Variants in MLLT1 observed in about 807,000 individuals in gnomAD.
MLLT1 encodes the protein MLLT1 super elongation complex subunit, also known as protein ENL.
Under a neutral mutation model 55.1 loss-of-function variants are expected in MLLT1, and 11 were observed. That is an observed-to-expected ratio of 0.20 (90% CI 0.13 to 0.33). The LOEUF (loss-of-function observed/expected upper bound fraction) is 0.33. Ranked by LOEUF, MLLT1 falls within the 10% of genes least tolerant of loss-of-function variation. The pLI is 1.00. For synonymous variants in MLLT1, 323 were observed against 320.1 expected, an observed-to-expected ratio of 1.01 and a Z score of -0.10; for missense variants, 536 against 760.6, an observed-to-expected ratio of 0.70 and a Z score of 3.47.
At chr19:6,269,405 C>T (rs2091376276) in intron 2 of MLLT1, among the ~76,000 whole-genome samples, 1 of 152,248 alleles carries the variant, frequency 6.6e-6, no homozygotes. Context: ...ACATCTGCCG[C>T]TGTCAGGAGC....
At position 6,227,360 on chromosome 19, in the gene MLLT1, G is replaced by T. The variant is rs1016438629; in HGVS notation, c.421-258C>A. Among the ~76,000 whole-genome samples, 2 of 152,344 alleles carry T rather than the reference G, an allele frequency of 1.3e-5. No individual in the cohort carries two copies. Among genetic ancestry groups the T allele is most frequent in the South Asian group, 4.1e-4 (2 of 4,828 alleles). On this transcript the variant is annotated intron_variant, in intron 4 of 11. Transcript: ENST00000252674. The surrounding 1 kb of genome is among the most constrained non-coding windows in gnomAD (Gnocchi z 5.1). ...CAGGTGGGGCCACGCGGCCTTCCGG[G>T]AACAGTGGACCGGAGGGCTGGCCCA...
rs2090994690 is a variant in MLLT1, at chr19:6,230,115, C to CG, written c.420+454dup. On this transcript the variant is annotated intron_variant, in intron 4 of 11. Coordinates refer to ENST00000252674, the MANE Select transcript of MLLT1 (RefSeq NM_005934.4). The surrounding 1 kb of genome is among the most constrained non-coding windows in gnomAD (Gnocchi z 9.0). ...GTCCGGAGGGCTCGACTCCAGCCAC[C>CG]GCATGGGGGTCCCGGCCACACGACT... Among the ~76,000 whole-genome samples, 1 of 152,134 alleles carries CG rather than the reference C, an allele frequency of 6.6e-6. No homozygotes were observed. Among genetic ancestry groups the CG allele is most frequent in the Admixed American group, 6.5e-5 (1 of 15,282 alleles).
intron 3 of MLLT1, among the ~76,000 whole-genome samples, chr19:6,246,701 A>T (rs1014391943): frequency 6.6e-6 from 1 of 152,192 alleles, no homozygotes; most frequent in African/African-American, 2.4e-5. Context: ...CGGTAGATAC[A>T]CGACTCTCTG....
chr19:6,247,567 C>G (rs946219385), intron 3 of MLLT1, among the ~76,000 whole-genome samples: 1 of 152,178 alleles, frequency 6.6e-6, no homozygotes, highest in Non-Finnish European at 1.5e-5. Flanking sequence ...AGGGACGGCT[C>G]TTCCTTACTG....
chr19:6,245,725 TA>T (rs1250452698), intron 3 of MLLT1, among the ~76,000 whole-genome samples: 8 of 133,234 alleles, frequency 6.0e-5, no homozygotes, highest in African/African-American at 1.6e-4. Context: ...AATAAACAAA[TA>T]AAATTTTTTT....
intron 2 of MLLT1, among the ~76,000 whole-genome samples, chr19:6,268,286 T>G (rs2091365567): frequency 6.6e-6 from 1 of 152,244 alleles, no homozygotes; most frequent in Non-Finnish European, 1.5e-5. Flanking sequence ...GTCACTGGAC[T>G]ATTAAAAACT....
intron 3 of MLLT1, among the ~76,000 whole-genome samples, chr19:6,236,959 C>A (rs868432326): frequency 6.6e-6 from 1 of 152,242 alleles, no homozygotes; most frequent in African/African-American, 2.4e-5. Flanking sequence ...GAGCAGCTCC[C>A]CACTCCCAGG....
chr19:6,250,583 G>C (rs146843816), intron 3 of MLLT1, among the ~76,000 whole-genome samples: 7 of 152,282 alleles, frequency 4.6e-5, no homozygotes, highest in African/African-American at 1.7e-4. Flanking sequence ...TCATCATGCC[G>C]AATACAATGC....
rs1300152049 is a variant in MLLT1, at chr19:6,226,252, G to A, written c.546+725C>T. On this transcript the variant is annotated intron_variant, in intron 5 of 11. Transcript: ENST00000252674. The surrounding 1 kb of genome is among the most constrained non-coding windows in gnomAD (Gnocchi z 6.3). ...GGCAGCTGCCCCGAGGGCCCGTGCC[G>A]CTCAGCCTCCAGGAACGGCTGTGCT... 1.3e-5 allele frequency among the ~76,000 whole-genome samples: 2 copies of A among 152,224 alleles called. No homozygotes were observed. The highest frequency in any genetic ancestry group is 2.4e-5 in the African/African-American group (1 of 41,464).
chr19:6,244,886 G>C (rs1568287351), intron 3 of MLLT1, among the ~76,000 whole-genome samples: 1 of 152,048 alleles, frequency 6.6e-6, no homozygotes, highest in Non-Finnish European at 1.5e-5. Context: ...ACCTAACCAG[G>C]TACCACTTCA....
rs892419149 is a variant in MLLT1 at position 6,229,894 on chromosome 19, C to T, written c.420+676G>A. Among the ~76,000 whole-genome samples, 8 of 152,296 alleles carry T rather than the reference C, an allele frequency of 5.3e-5. No individual in the cohort carries two copies. The highest frequency in any genetic ancestry group is 8.8e-5 in the Non-Finnish European group (6 of 68,020). ...CGACACACAACACGCCACCCCAGCCCGCTCCATCACAGGCTCAGGCTGGCA... is the reference window on the plus strand; with the variant it reads ...CGACACACAACACGCCACCCCAGCCTGCTCCATCACAGGCTCAGGCTGGCA... On this transcript the variant is annotated intron_variant, in intron 4 of 11. Transcript: ENST00000252674. The surrounding 1 kb of genome is among the most constrained non-coding windows in gnomAD (Gnocchi z 5.2).
intron 3 of MLLT1, among the ~76,000 whole-genome samples, chr19:6,241,263 G>A (rs2091110460): frequency 1.3e-5 from 2 of 152,156 alleles, no homozygotes; most frequent in South Asian, 2.1e-4. Flanking sequence ...CCGAGAGCCC[G>A]TGTCCCCCAA....
intron 8 of MLLT1, 111 bp downstream of exon 8, chr19:6,216,294 C>T: frequency 1.3e-6 from 1 of 793,238 alleles, no homozygotes; most frequent in Non-Finnish European, 2.1e-6. Flanking sequence ...TTTGGCCCTC[C>T]CAGGGGACCC....
In MLLT1 at chr19:6,212,622, G is replaced by C; in HGVS notation, c.*420C>G. On this transcript the variant is annotated 3_prime_UTR_variant, in exon 12 of 12. Transcript: ENST00000252674. ...GAGGTCCAGGGTGGGCGGAGGGTGT[G>C]TTCTGAACCATTCGGGAGGCTGGAG... is the stretch of plus-strand genomic sequence containing the variant. 3 of 1,113,954 alleles carry C rather than the reference G, an allele frequency of 2.7e-6. No individual in the cohort carries two copies. The highest frequency in any genetic ancestry group is 1.6e-5 in the African/African-American group (1 of 61,482). 69.0% of individuals were successfully genotyped at this position (1,113,954 alleles called of 1,614,324 possible). A position where few individuals can be genotyped will look rare whatever the true frequency, so the allele number is the denominator to read the frequency against.
In MLLT1 at chr19:6,226,990, G is replaced by T. The variant is rs372141702; in HGVS notation, c.533C>A (p.Ser178Tyr). ...CGCCTCACTAACCTTGGAGCCGTGG[G>T]ATGGTTTGGTCTTCTTGGGGTCAGA... is the stretch of plus-strand genomic sequence containing the variant. ...AFSDPKKTKPSHGSKDANKES... is the reference protein window; with the variant it reads ...AFSDPKKTKPYHGSKDANKES... The change falls in exon 5 of 12, where the codon TCC becomes TAC. Residue 178 changes from serine to tyrosine, a missense_variant. Physicochemically the swap from Ser to Tyr is moderately radical, Grantham distance 144 (BLOSUM62 -2). Around this residue, in one of 3 missense-constraint regions of MLLT1, gnomAD observed 449 missense variants for 489.0 expected, o/e 0.92. Transcript: ENST00000252674. The surrounding 1 kb of genome is among the most constrained non-coding windows in gnomAD (Gnocchi z 6.3). 96 of 1,600,878 alleles carry T rather than the reference G, an allele frequency of 6.0e-5. No individual in the cohort carries two copies. The Middle Eastern group carries it at 6.6e-4, about 11-fold the overall frequency.
chr19:6,257,685 C>G (rs2091269282), intron 3 of MLLT1, among the ~76,000 whole-genome samples: 1 of 152,008 alleles, frequency 6.6e-6, no homozygotes, highest in Non-Finnish European at 1.5e-5. Context: ...TCTATAATTC[C>G]AGCTACTCGG....
At chr19:6,258,108 G>A (rs561499279) in intron 3 of MLLT1, among the ~76,000 whole-genome samples, 58 of 152,266 alleles carry the variant, frequency 3.8e-4, no homozygotes, top group South Asian at 4.1e-4. Context: ...GAAAATTATT[G>A]TATGAGCCTG....
intron 3 of MLLT1, among the ~76,000 whole-genome samples, chr19:6,241,187 G>A (rs2091109730): frequency 6.6e-6 from 1 of 152,170 alleles, no homozygotes; most frequent in African/African-American, 2.4e-5. Context: ...CCCAGTATGA[G>A]GACAGCCTCT....
rs1199591323 is a variant in MLLT1, at chr19:6,227,792, C to T, written c.421-690G>A. Among the ~76,000 whole-genome samples, 1 of 152,104 alleles carries T rather than the reference C, an allele frequency of 6.6e-6. No homozygotes were observed. The highest frequency in any genetic ancestry group is 1.5e-5 in the Non-Finnish European group (1 of 68,012). Reference sequence around the variant, plus strand: ...TTCTGGGGTCCTTCCAGGAGGGCTCCCAGGAAACACCTGCTGTGCAGGGGG... The same window carrying T: ...TTCTGGGGTCCTTCCAGGAGGGCTCTCAGGAAACACCTGCTGTGCAGGGGG... On this transcript the variant is annotated intron_variant, in intron 4 of 11. Transcript: ENST00000252674. The surrounding 1 kb of genome is among the most constrained non-coding windows in gnomAD (Gnocchi z 5.1).
Sources: gnomAD v4.1 joint callset for allele counts (sites outside exome capture counted in the v4.1 genomes callset) on GRCh38, gnomAD v4.1.1 for gene constraint, gnomAD v4.1.1 regional missense constraint, Gnocchi (gnomAD v3.1) non-coding constraint, MANE v1.5 for transcripts, NCBI Gene and HGNC (gene_info 2026-07-23, HGNC 2026-07-21) for gene names.